Variants in COL4A2 observed in about 807,000 individuals in gnomAD.
The protein encoded by COL4A2 is collagen type IV alpha 2 chain, also known as collagen alpha-2(IV) chain.
COL4A2 carries 99 observed loss-of-function variants against 200.2 expected under a neutral mutation model. The ratio of observed to expected loss-of-function variants is 0.49; its 90% confidence interval spans 0.42 to 0.58. The LOEUF (loss-of-function observed/expected upper bound fraction) is 0.58. Among genes scored for constraint, COL4A2 ranks in the 20% least tolerant of loss-of-function variants. COL4A2 has a pLI of 0.00. For missense variants in COL4A2, 1,950 were observed against 2,314.1 expected, an observed-to-expected ratio of 0.84 and a Z score of 3.23; for synonymous variants, 897 against 900.6, an observed-to-expected ratio of 1.00 and a Z score of 0.07.
intron 4 of COL4A2, among the ~76,000 whole-genome samples, chr13:110,422,528 G>A (rs1880293581): frequency 1.3e-5 from 2 of 152,174 alleles, no homozygotes; most frequent in Non-Finnish European, 2.9e-5. Context: ...GCTGCCCGAG[G>A]TGAGTACTGA....
chr13:110,363,537 G>T (rs1466526705), intron 4 of COL4A2, among the ~76,000 whole-genome samples: 2 of 152,122 alleles, frequency 1.3e-5, no homozygotes, highest in Non-Finnish European at 2.9e-5. Flanking sequence ...TAACGAGAAG[G>T]CAAGAAAATT....
chr13:110,475,733 G>T (rs1882679296), intron 29 of COL4A2, among the ~76,000 whole-genome samples: 1 of 152,216 alleles, frequency 6.6e-6, no homozygotes. Flanking sequence ...TCGACTGGCT[G>T]TGCAGGACGG....
At chr13:110,478,769 C>T (rs886946340) in intron 30 of COL4A2, among the ~76,000 whole-genome samples, 4 of 151,866 alleles carry the variant, frequency 2.6e-5, no homozygotes, top group African/African-American at 9.7e-5. Context: ...TACTTTCCCC[C>T]CTTTTTGTTT....
intron 9 of COL4A2, 26 bp downstream of exon 9, chr13:110,430,462 T>G: frequency 6.2e-7 from 1 of 1,614,140 alleles, no homozygotes; most frequent in Non-Finnish European, 8.5e-7. Context: ...TTGGACGATA[T>G]TCCAAACAAA....
intron 4 of COL4A2, among the ~76,000 whole-genome samples, chr13:110,385,418 G>GGCCGTGGTTGC (rs1878651954): frequency 1.0e-5 from 1 of 99,136 alleles, no homozygotes; most frequent in African/African-American, 3.5e-5. Flanking sequence ...TGTGTGGATA[G>GGCCGTGGTTGC]ACTGTGGTTA....
chr13:110,368,316 C>A (rs1479039034), intron 4 of COL4A2, among the ~76,000 whole-genome samples: 1 of 152,192 alleles, frequency 6.6e-6, no homozygotes, highest in African/African-American at 2.4e-5. Context: ...GTATTACATA[C>A]TATTGCAAAA....
At chr13:110,493,327 A>AG in intron 39 of COL4A2, 45 bp downstream of exon 39, 1 of 1,597,014 alleles carries the variant, frequency 6.3e-7, no homozygotes, top group Non-Finnish European at 8.6e-7. Context: ...AGAGGTGTCG[A>AG]GGGTGGGGAC....
chr13:110,416,902 C>T (rs1199941289), intron 4 of COL4A2, among the ~76,000 whole-genome samples: 1 of 152,204 alleles, frequency 6.6e-6, no homozygotes, highest in African/African-American at 2.4e-5. Flanking sequence ...AAATTTCTGT[C>T]AGTATCACCA....
At chr13:110,380,251 C>G (rs1295365223) in intron 4 of COL4A2, among the ~76,000 whole-genome samples, 1 of 152,168 alleles carries the variant, frequency 6.6e-6, no homozygotes, top group Non-Finnish European at 1.5e-5. Context: ...TTCTGAGAGG[C>G]TTTTCTTCTG....
At chr13:110,387,712 A>G (rs1425382865) in intron 4 of COL4A2, among the ~76,000 whole-genome samples, 2 of 152,222 alleles carry the variant, frequency 1.3e-5, no homozygotes, top group East Asian at 1.9e-4. Flanking sequence ...GAGGCAGGCA[A>G]TGGGGCCAAG....
rs147276703 is a variant in COL4A2 at position 110,367,207 on chromosome 13, A to G, written c.180+9655A>G. 4.3e-3 allele frequency among the ~76,000 whole-genome samples: 660 copies of G among 152,354 alleles called. 5 individuals are homozygous for G. The highest frequency in any genetic ancestry group is 5.5e-3 in the Non-Finnish European group (371 of 68,032). On this transcript the variant is annotated intron_variant, in intron 4 of 47. Coordinates refer to ENST00000360467, the MANE Select transcript of COL4A2 (RefSeq NM_001846.4). ...AGGAACAAAAGTTTTTGTATCTAAA[A>G]CACTGTTGGGGTGAATAACTCTTAG... is the stretch of plus-strand genomic sequence containing the variant.
chr13:110,444,060 A>G (rs1477587064), intron 16 of COL4A2, among the ~76,000 whole-genome samples: 3 of 152,114 alleles, frequency 2.0e-5, no homozygotes, highest in African/African-American at 7.2e-5. Context: ...TCCCCTGGAA[A>G]GTTTTAGCTC....
rs188998544 is a variant in COL4A2 at position 110,318,319 on chromosome 13, G to A, written c.99+10196G>A. Among the ~76,000 whole-genome samples, 43 of 147,604 alleles carry A rather than the reference G, an allele frequency of 2.9e-4. No individual in the cohort carries two copies. The East Asian group carries it at 5.0e-3, about 17-fold the overall frequency. On this transcript the variant is annotated intron_variant, in intron 3 of 47. Coordinates refer to ENST00000360467, the MANE Select transcript of COL4A2 (RefSeq NM_001846.4). ...TCTGATCAGTGTGTGTGTGCGCGCG[G>A]GTATGGTTTGGGTTGTCCAAATATC... is the stretch of plus-strand genomic sequence containing the variant.
intron 3 of COL4A2, among the ~76,000 whole-genome samples, chr13:110,344,364 C>T (rs1876607695): frequency 6.6e-6 from 1 of 152,084 alleles, no homozygotes; most frequent in Admixed American, 6.5e-5. Flanking sequence ...AGCCAATTTT[C>T]TTATTAGTTA....
At chr13:110,328,475 G>A (rs780346719) in intron 3 of COL4A2, 6 of 152,190 alleles carry the variant, frequency 3.9e-5, no homozygotes, top group African/African-American at 9.7e-5. Context: ...TGTGTCCATC[G>A]AGCATTTTAC....
chr13:110,350,380 T>G (rs578125627), intron 3 of COL4A2, among the ~76,000 whole-genome samples: 2 of 152,290 alleles, frequency 1.3e-5, no homozygotes, highest in African/African-American at 4.8e-5. Flanking sequence ...TTTTGAATTT[T>G]AAAAAAATTA....
chr13:110,399,872 G>A (rs901399087), intron 4 of COL4A2, among the ~76,000 whole-genome samples: 8 of 152,154 alleles, frequency 5.3e-5, no homozygotes, highest in Non-Finnish European at 8.8e-5. Flanking sequence ...CTTTGGTCAT[G>A]GCTTCTGAAG....
intron 20 of COL4A2, chr13:110,456,899 C>T (rs1881761180): frequency 4.2e-6 from 2 of 473,882 alleles, no homozygotes; most frequent in Admixed American, 2.4e-5. Flanking sequence ...GGGCTGATGC[C>T]GTGCGTCTGC....
chr13:110,509,853 C>T lies in COL4A2; in HGVS notation c.4881+1632C>T, dbSNP rs935930914. Among the ~76,000 whole-genome samples the T allele has an allele frequency of 3.3e-5, 5 of 152,312 alleles. 1 individual carries two copies. In the East Asian group the frequency reaches 7.7e-4, roughly 24 times the overall value. On this transcript the variant is annotated intron_variant, in intron 47 of 47. Transcript: ENST00000360467. ...GTCAGGACAGATGGGCCAGAAGTACCTTGACTTCTGAGAACAGAAAGTCCC... is the reference window on the plus strand; with the variant it reads ...GTCAGGACAGATGGGCCAGAAGTACTTTGACTTCTGAGAACAGAAAGTCCC...
Sources: gnomAD v4.1 joint callset for allele counts (sites outside exome capture counted in the v4.1 genomes callset) on GRCh38, gnomAD v4.1.1 for gene constraint, MANE v1.5 for transcripts, NCBI Gene and HGNC (gene_info 2026-07-23, HGNC 2026-07-21) for gene names.